ZNF536: variants seen among roughly 807,000 people sequenced by gnomAD.
ZNF536 encodes the protein zinc finger protein 536.
ZNF536 carries 13 observed loss-of-function variants against 84.5 expected under a neutral mutation model. The ratio of observed to expected loss-of-function variants is 0.15; its 90% CI spans 0.10 to 0.24. The LOEUF is 0.24. ZNF536 is among the 10% of genes least tolerant of loss of function. The pLI is 1.00. For synonymous variants in ZNF536, 811 were observed against 742.5 expected, an observed-to-expected ratio of 1.09 and a Z score of -1.50; for missense variants, 1,536 against 1,747.5, an observed-to-expected ratio of 0.88 and a Z score of 2.16.
At chr19:30,424,619 T>C (rs2051132255) in intron 1 of ZNF536, among the ~76,000 whole-genome samples, 1 of 150,624 alleles carries the variant, frequency 6.6e-6, no homozygotes, top group Non-Finnish European at 1.5e-5. Context: ...GGAGGATGGA[T>C]GCAAAAAAAA....
chr19:30,408,702 A>G (rs1273111962), intron 1 of ZNF536, among the ~76,000 whole-genome samples: 2 of 152,100 alleles, frequency 1.3e-5, no homozygotes, highest in Admixed American at 6.6e-5. Flanking sequence ...TCATCCATCC[A>G]TATGTCCATC....
At chr19:30,702,348 A>G (rs1459536109) in intron 1 of ZNF536, among the ~76,000 whole-genome samples, 1 of 152,180 alleles carries the variant, frequency 6.6e-6, no homozygotes, top group Admixed American at 6.5e-5. Flanking sequence ...TCTACGGCGC[A>G]GCGACAATAC....
chr19:30,266,582 G>A lies in ZNF536; in HGVS notation c.-189-17490G>A, dbSNP rs57582015. On this transcript the variant is annotated intron_variant, in intron 1 of 5. Transcript: ENST00000585628. ...ATTTGAAATTCTGTGATCAAAGACT[G>A]AAAAACAAAATAGAGCAGGATATTA... is the stretch of plus-strand genomic sequence containing the variant. Among the ~76,000 whole-genome samples the A allele has an allele frequency of 9.4e-3, 1,424 of 152,242 alleles. 27 individuals carry two copies. The highest frequency in any genetic ancestry group is 0.033 in the African/African-American group (1,377 of 41,534).
chr19:30,306,642 G>A (rs1319694170), intron 2 of ZNF536, among the ~76,000 whole-genome samples: 1 of 152,200 alleles, frequency 6.6e-6, no homozygotes, highest in East Asian at 1.9e-4. Flanking sequence ...GAGAAAGAAG[G>A]CGAAAATGTT....
intron 2 of ZNF536, among the ~76,000 whole-genome samples, chr19:30,451,029 C>T (rs2052579599): frequency 6.6e-6 from 1 of 152,246 alleles, no homozygotes; most frequent in African/African-American, 2.4e-5. Flanking sequence ...TACGGAGGAT[C>T]GGCTCGTGTG....
At chr19:30,489,666 G>A (rs2054431755) in intron 2 of ZNF536, among the ~76,000 whole-genome samples, 2 of 152,016 alleles carry the variant, frequency 1.3e-5, no homozygotes, top group Non-Finnish European at 2.9e-5. Flanking sequence ...AAAACTGTAT[G>A]TAACTTGTTT....
At chr19:30,285,370 G>T (rs1365458478) in intron 2 of ZNF536, among the ~76,000 whole-genome samples, 1 of 152,144 alleles carries the variant, frequency 6.6e-6, no homozygotes, top group Non-Finnish European at 1.5e-5. Flanking sequence ...TCAGGAGAAA[G>T]GTCCAACCAT....
At chr19:30,679,333 T>C (rs939598196) in intron 1 of ZNF536, among the ~76,000 whole-genome samples, 9 of 152,104 alleles carry the variant, frequency 5.9e-5, no homozygotes. Flanking sequence ...ATGATGGAGG[T>C]GAGGCCCTGG....
intron 2 of ZNF536, among the ~76,000 whole-genome samples, chr19:30,484,226 ATTTTTTTTT>A (rs554903479): frequency 8.2e-6 from 1 of 122,030 alleles, no homozygotes; most frequent in East Asian, 2.3e-4. Flanking sequence ...TCTCATTTTG[ATTTTTTTTT>A]TTTTTTTTTT....
At chr19:30,463,889 G>C (rs1347063178) in intron 2 of ZNF536, among the ~76,000 whole-genome samples, 1 of 152,114 alleles carries the variant, frequency 6.6e-6, no homozygotes, top group African/African-American at 2.4e-5. Flanking sequence ...TCTGTTTGCT[G>C]TCAGCATCCT....
intron 2 of ZNF536, among the ~76,000 whole-genome samples, chr19:30,321,951 A>G (rs781684141): frequency 6.6e-5 from 10 of 151,438 alleles, no homozygotes; most frequent in Non-Finnish European, 2.9e-5. Flanking sequence ...TAATTTTTGT[A>G]TTTTCATTAG....
At chr19:30,643,167 CT>C (rs2049328611) in intron 1 of ZNF536, among the ~76,000 whole-genome samples, 1 of 152,186 alleles carries the variant, frequency 6.6e-6, no homozygotes, top group Non-Finnish European at 1.5e-5. Context: ...GCTTCTTCTC[CT>C]GCTGGGTTCA....
chr19:30,585,089 C>T (rs2047049945), intron 1 of ZNF536, among the ~76,000 whole-genome samples: 1 of 151,164 alleles, frequency 6.6e-6, no homozygotes, highest in Non-Finnish European at 1.5e-5. Flanking sequence ...CACTGCACTC[C>T]AGCCTGGGCA....
intron 1 of ZNF536, among the ~76,000 whole-genome samples, chr19:30,385,522 T>C (rs1276918437): frequency 6.6e-6 from 1 of 150,808 alleles, no homozygotes; most frequent in Non-Finnish European, 1.5e-5. Context: ...TCTTCCCTGC[T>C]TCACCCACTG....
intron 1 of ZNF536, among the ~76,000 whole-genome samples, chr19:30,655,869 T>C (rs928985154): frequency 1.4e-4 from 21 of 152,040 alleles, no homozygotes; most frequent in African/African-American, 2.4e-4. Flanking sequence ...TGGGACCCTG[T>C]CTCTACAGAA....
Position 30,384,098 on chromosome 19 carries a change from CTCTTTCTTTCTTTCTTTCTTTCTT to C in ZNF536, c.-3+11585_-3+11608del, listed in dbSNP as rs749685060. ...CCTCTCTTCTTCTGCCCACCTCTTT[CTCTTTCTTTCTTTCTTTCTTTCTT>C]TCTTTCTTTCTTTCTTTCTTTCTTT... On this transcript the variant is annotated intron_variant, in intron 1 of 4. Coordinates refer to ENST00000355537, the MANE Select transcript of ZNF536 (RefSeq NM_014717.3). Among the ~76,000 whole-genome samples the C allele has an allele frequency of 8.2e-4, 71 of 86,556 alleles. 2 individuals are homozygous for C. Among genetic ancestry groups the C allele is most frequent in the African/African-American group, 2.9e-3 (64 of 21,808 alleles). The allele number at this position is 86,556 out of a possible 152,430, so 56.8% of individuals were successfully genotyped here.
intron 1 of ZNF536, among the ~76,000 whole-genome samples, chr19:30,373,149 C>T (rs182409101): frequency 3.8e-4 from 58 of 152,318 alleles, no homozygotes; most frequent in African/African-American, 1.3e-3. Context: ...TGAATGTCCA[C>T]CTGGGAGAAG....
chr19:30,588,824 C>T (rs2047182771), intron 1 of ZNF536, among the ~76,000 whole-genome samples: 1 of 152,110 alleles, frequency 6.6e-6, no homozygotes, highest in African/African-American at 2.4e-5. Flanking sequence ...AGTTATAGAG[C>T]TTCCTTTTGG....
intron 1 of ZNF536, among the ~76,000 whole-genome samples, chr19:30,676,264 C>T (rs1348816619): frequency 6.6e-6 from 1 of 152,170 alleles, no homozygotes; most frequent in African/African-American, 2.4e-5. Flanking sequence ...ATTTCCTTGC[C>T]TCTACTGTGA....
Sources: gnomAD v4.1 joint callset for allele counts (sites outside exome capture counted in the v4.1 genomes callset) on GRCh38, gnomAD v4.1.1 for gene constraint, MANE v1.5 for transcripts, NCBI Gene and HGNC (gene_info 2026-07-23, HGNC 2026-07-21) for gene names.